CDH18: variants seen among roughly 807,000 people sequenced by gnomAD.
The protein encoded by CDH18 is cadherin 18, also known as cadherin-18.
Under a neutral mutation model 67.9 loss-of-function variants are expected in CDH18, and 31 were observed. That is an observed-to-expected ratio of 0.46 (90% CI 0.34 to 0.62). CDH18 has a LOEUF of 0.62. CDH18 is among the 20% of genes least tolerant of loss of function. The pLI, the probability that CDH18 is intolerant of heterozygous loss-of-function variation, is 0.01. For synonymous variants in CDH18, 362 were observed against 347.2 expected, an observed-to-expected ratio of 1.04 and a Z score of -0.48; for missense variants, 890 against 975.5, an observed-to-expected ratio of 0.91 and a Z score of 1.17.
At chr5:19,981,750 C>T (rs1333486548) in intron 1 of CDH18, among the ~76,000 whole-genome samples, 1 of 152,158 alleles carries the variant, frequency 6.6e-6, no homozygotes, top group Non-Finnish European at 1.5e-5. Context: ...GCCAGGGGTG[C>T]TCCTTCCCTA....
intron 2 of CDH18, among the ~76,000 whole-genome samples, chr5:19,842,367 G>A (rs1432809630): frequency 6.6e-6 from 1 of 152,150 alleles, no homozygotes; most frequent in African/African-American, 2.4e-5. Context: ...GCTCCCCCAT[G>A]CTGTTCTCTT....
At chr5:20,056,686 T>G (rs1356796986) in intron 2 of CDH18, among the ~76,000 whole-genome samples, 2 of 132,336 alleles carry the variant, frequency 1.5e-5, no homozygotes, top group East Asian at 2.1e-4. Context: ...TTCTCTTTTT[T>G]TTTTTTTTTT....
chr5:19,836,706 C>T (rs1781681562), intron 3 of CDH18, among the ~76,000 whole-genome samples: 1 of 152,026 alleles, frequency 6.6e-6, no homozygotes, highest in South Asian at 2.1e-4. Context: ...GCTTTTATTG[C>T]CATTGCTTTT....
At chr5:20,093,226 C>CAT (rs1228733878) in intron 2 of CDH18, among the ~76,000 whole-genome samples, 1 of 151,908 alleles carries the variant, frequency 6.6e-6, no homozygotes. Flanking sequence ...TACACACACA[C>CAT]ATAAACACAT....
At chr5:19,557,276 G>A (rs1407536848) in intron 8 of CDH18, among the ~76,000 whole-genome samples, 1 of 151,984 alleles carries the variant, frequency 6.6e-6, no homozygotes, top group African/African-American at 2.4e-5. Context: ...GAATATAATA[G>A]TACCTTACAT....
At chr5:19,917,701 C>A (rs1169115073) in intron 2 of CDH18, among the ~76,000 whole-genome samples, 1 of 152,082 alleles carries the variant, frequency 6.6e-6, no homozygotes, top group Non-Finnish European at 1.5e-5. Context: ...AGGCAAGAAC[C>A]TATTGTGAAC....
chr5:20,299,403 TAC>T (rs56003449), intron 1 of CDH18, among the ~76,000 whole-genome samples: 8,798 of 138,530 alleles, frequency 0.064, 378 homozygotes, highest in East Asian at 0.24. Context: ...CAACATTAGC[TAC>T]ACACACACAC....
intron 2 of CDH18, among the ~76,000 whole-genome samples, chr5:19,890,785 G>C (rs1788711168): frequency 6.6e-6 from 1 of 151,816 alleles, no homozygotes; most frequent in Non-Finnish European, 1.5e-5. Context: ...ATTAGAGACG[G>C]GGTTTCACCA....
chr5:19,618,711 C>T (rs1750230511), intron 5 of CDH18, among the ~76,000 whole-genome samples: 1 of 152,088 alleles, frequency 6.6e-6, no homozygotes, highest in Non-Finnish European at 1.5e-5. Context: ...CAGTGGGTCC[C>T]AGGCATAAGT....
intron 7 of CDH18, among the ~76,000 whole-genome samples, chr5:19,581,693 T>TCATA (rs1241501457): frequency 1.3e-5 from 2 of 152,052 alleles, no homozygotes; most frequent in African/African-American, 4.8e-5. Flanking sequence ...ATCAACATTT[T>TCATA]CATACATAAA....
At chr5:20,368,177 GA>G (rs1742678987) in intron 1 of CDH18, among the ~76,000 whole-genome samples, 1 of 152,170 alleles carries the variant, frequency 6.6e-6, no homozygotes, top group Non-Finnish European at 1.5e-5. Context: ...TATGTATCCA[GA>G]AAAAGATATG....
chr5:19,669,161 A>G (rs1758380508), intron 5 of CDH18, among the ~76,000 whole-genome samples: 1 of 146,534 alleles, frequency 6.8e-6, no homozygotes, highest in Non-Finnish European at 1.5e-5. Context: ...AATATCATAT[A>G]TCATATATAT....
chr5:19,721,613 T>C (rs140735099), intron 4 of CDH18, 147 bp from the exon 5 acceptor site: 105 of 555,818 alleles, frequency 1.9e-4, no homozygotes, highest in African/African-American at 1.7e-3. Context: ...GTATAAAACA[T>C]ATTACTTGCT....
rs114777345 is a variant in CDH18, at chr5:19,731,506, A to G, written c.524-10040T>C. 2.8e-3 allele frequency among the ~76,000 whole-genome samples: 428 copies of G among 152,158 alleles called. 1 individual carries two copies. Among genetic ancestry groups the G allele is most frequent in the African/African-American group, 1.0e-2 (414 of 41,520 alleles). ...CATGTGAGCATTCAGACAGTTTTGG[A>G]CTTTGGAGCATTTTGAATTTCAGAT... On this transcript the variant is annotated intron_variant, in intron 4 of 12. Transcript: ENST00000382275.
At chr5:19,820,614 C>T (rs182730407) in intron 3 of CDH18, among the ~76,000 whole-genome samples, 1 of 152,200 alleles carries the variant, frequency 6.6e-6, no homozygotes, top group Non-Finnish European at 1.5e-5. Flanking sequence ...ACTCAAGTAG[C>T]CCCTGTGAGA....
chr5:20,429,600 G>C (rs990599572), intron 1 of CDH18, among the ~76,000 whole-genome samples: 2 of 149,892 alleles, frequency 1.3e-5, no homozygotes, highest in African/African-American at 5.1e-5. Flanking sequence ...AATATGAATG[G>C]GGGGGCAAAA....
At position 20,001,387 on chromosome 5, in the gene CDH18, T is replaced by A. The variant is rs755029058; in HGVS notation, c.-517-9373A>T. Among the ~76,000 whole-genome samples, 51 of 152,090 alleles carry A rather than the reference T, an allele frequency of 3.4e-4. 1 individual carries two copies. The highest frequency in any genetic ancestry group is 1.5e-3 in the Admixed American group (23 of 15,272). On this transcript the variant is annotated intron_variant, in intron 2 of 14. Transcript: ENST00000507958. ...CATAAGAGGAAGAGTAGGTGTTATATAATAAATGCTATTTATATTACTACC... is the reference window on the plus strand; with the variant it reads ...CATAAGAGGAAGAGTAGGTGTTATAAAATAAATGCTATTTATATTACTACC...
chr5:20,069,174 T>G (rs1170002299), intron 2 of CDH18, among the ~76,000 whole-genome samples: 1 of 151,966 alleles, frequency 6.6e-6, no homozygotes, highest in Admixed American at 6.6e-5. Context: ...TCCTTATATT[T>G]ATATAAATAG....
intron 7 of CDH18, among the ~76,000 whole-genome samples, chr5:19,586,740 G>C (rs999064579): frequency 1.3e-5 from 2 of 152,128 alleles, no homozygotes; most frequent in Admixed American, 6.6e-5. Flanking sequence ...GGGATTGCTG[G>C]ATCAAATGGT....
Sources: allele counts gnomAD v4.1 joint callset (sites outside exome capture counted in the v4.1 genomes callset), GRCh38; gene constraint gnomAD v4.1.1; transcripts MANE v1.5; gene names NCBI Gene and HGNC (gene_info 2026-07-23, HGNC 2026-07-21).